The following HYCC1 variants were observed in gnomAD, a reference collection of about 807,000 sequenced individuals.
The protein encoded by HYCC1 is hyccin PI4KA lipid kinase complex subunit 1.
chr7:22,910,505 A>G, the HYCC1 span, among the ~76,000 whole-genome samples: 1 of 152,264 alleles, frequency 6.6e-6, no homozygotes, highest in Non-Finnish European at 1.5e-5. Flanking sequence ...CAGCAATGCA[A>G]AACAGACTAA....
the HYCC1 span, among the ~76,000 whole-genome samples, chr7:23,013,398 G>T: frequency 6.6e-6 from 1 of 152,240 alleles, no homozygotes; most frequent in African/African-American, 2.4e-5. Context: ...GCGGGGGGTC[G>T]ACAGTGACCA....
At chr7:22,964,541 C>G in the HYCC1 span, 3 of 1,476,144 alleles carry the variant, frequency 2.0e-6, no homozygotes, top group East Asian at 4.5e-5. Context: ...TCTAGAAAAA[C>G]CAAAATAAAT....
At chr7:22,930,399 A>AAAAAG in the HYCC1 span, among the ~76,000 whole-genome samples, 3 of 144,628 alleles carry the variant, frequency 2.1e-5, no homozygotes, top group African/African-American at 5.0e-5. Context: ...AAAAGAAAAA[A>AAAAAG]AAAAAAGAAA....
the HYCC1 span, among the ~76,000 whole-genome samples, chr7:22,949,489 A>C: frequency 1.3e-5 from 2 of 152,114 alleles, no homozygotes; most frequent in Non-Finnish European, 2.9e-5. Flanking sequence ...GCCATTTTAC[A>C]AAAAGCAAAC....
At chr7:22,930,752 A>G in the HYCC1 span, among the ~76,000 whole-genome samples, 3 of 152,098 alleles carry the variant, frequency 2.0e-5, no homozygotes, top group Non-Finnish European at 4.4e-5. Flanking sequence ...AGAAACATAA[A>G]AAGAATTTTT....
At chr7:22,975,196 G>A in the HYCC1 span, among the ~76,000 whole-genome samples, 2 of 132,080 alleles carry the variant, frequency 1.5e-5, no homozygotes, top group Non-Finnish European at 3.3e-5. Flanking sequence ...GGAATAATCT[G>A]TCATTTTTGT....
At chr7:22,918,720 T>C in the HYCC1 span, among the ~76,000 whole-genome samples, 30,208 of 151,824 alleles carry the variant, frequency 0.2, 3,576 homozygotes, top group Non-Finnish European at 0.27. Flanking sequence ...ACTGAGCACC[T>C]TGTGACCCCC....
chr7:22,978,191 T>C, the HYCC1 span: 1 of 1,322,194 alleles, frequency 7.6e-7, no homozygotes, highest in East Asian at 2.4e-5. Context: ...ACTAGCTTTA[T>C]TAAAATGAAA....
the HYCC1 span, chr7:22,976,685 C>T: frequency 6.6e-7 from 1 of 1,524,230 alleles, no homozygotes; most frequent in East Asian, 2.3e-5. Flanking sequence ...TTTATCCCCA[C>T]AGTATACCGA....
At chr7:22,908,116 T>C in the HYCC1 span, among the ~76,000 whole-genome samples, 2 of 152,268 alleles carry the variant, frequency 1.3e-5, no homozygotes, top group African/African-American at 4.8e-5. Context: ...TTTCTGAGTT[T>C]ATAATTTTGT....
At chr7:22,984,706 A>G in the HYCC1 span, among the ~76,000 whole-genome samples, 1 of 152,172 alleles carries the variant, frequency 6.6e-6, no homozygotes, top group Non-Finnish European at 1.5e-5. Flanking sequence ...TGGGTAACAG[A>G]ATGAGACAGG....
chr7:22,976,871 AAT>A, the HYCC1 span: 12 of 902,846 alleles, frequency 1.3e-5, no homozygotes, highest in Non-Finnish European at 1.5e-5. Context: ...TGATATATAG[AAT>A]ATATATATAC....
chr7:22,960,771 C>G, the HYCC1 span, among the ~76,000 whole-genome samples: 1 of 152,064 alleles, frequency 6.6e-6, no homozygotes, highest in Admixed American at 6.5e-5. Context: ...TTATTTTGGC[C>G]AGGTGCAGTG....
chr7:23,010,134 C>A, the HYCC1 span, among the ~76,000 whole-genome samples: 4 of 152,112 alleles, frequency 2.6e-5, no homozygotes, highest in African/African-American at 7.2e-5. Flanking sequence ...TTCAGGGAAC[C>A]AATTTGGATA....
chr7:22,934,216 T>TC, the HYCC1 span: 1 of 73,582 alleles, frequency 1.4e-5, no homozygotes, highest in African/African-American at 4.3e-5. Context: ...CTTTTTTTTT[T>TC]TTTTTTTTTT....
At chr7:22,985,719 T>C in the HYCC1 span, 7 of 151,866 alleles carry the variant, frequency 4.6e-5, no homozygotes, top group South Asian at 8.3e-4. Flanking sequence ...CGTCATTTGA[T>C]CAAGAGTAAC....
chr7:22,998,392 T>C, the HYCC1 span, among the ~76,000 whole-genome samples: 1 of 152,102 alleles, frequency 6.6e-6, no homozygotes, highest in African/African-American at 2.4e-5. Context: ...AATGGTGAGA[T>C]CTCTGGGAAC....
chr7:22,999,919 CA>C, the HYCC1 span, among the ~76,000 whole-genome samples: 2 of 151,994 alleles, frequency 1.3e-5, no homozygotes, highest in South Asian at 2.1e-4. Flanking sequence ...CAAGGGCCAT[CA>C]TGAGAAAATT....
the HYCC1 span, chr7:22,978,544 CAT>C: frequency 1.9e-6 from 2 of 1,048,640 alleles, no homozygotes; most frequent in Non-Finnish European, 2.9e-6. Flanking sequence ...TGGTAAAAAT[CAT>C]ATCTTTTTAA....
Sources: gnomAD v4.1 joint callset for allele counts (sites outside exome capture counted in the v4.1 genomes callset) on GRCh38, gnomAD v4.1.1 for gene constraint, MANE v1.5 for transcripts, NCBI Gene and HGNC (gene_info 2026-07-23, HGNC 2026-07-21) for gene names.